LRRTM4: variants seen among roughly 807,000 people sequenced by gnomAD.
LRRTM4 encodes the protein leucine-rich repeat transmembrane neuronal protein 4.
Under a neutral mutation model 47.6 loss-of-function variants are expected in LRRTM4, and 25 were observed. That is an observed-to-expected ratio of 0.53 (90% CI 0.38 to 0.73). The LOEUF (loss-of-function observed/expected upper bound fraction) is 0.73. Among genes scored for constraint, LRRTM4 ranks in the 30% least tolerant of loss-of-function variants. The pLI is 0.00. For synonymous variants in LRRTM4, 311 were observed against 269.5 expected, an observed-to-expected ratio of 1.15 and a Z score of -1.51; for missense variants, 638 against 713.4, an observed-to-expected ratio of 0.89 and a Z score of 1.20.
At chr2:77,128,435 C>CA (rs1330453965) in intron 3 of LRRTM4, among the ~76,000 whole-genome samples, 51 of 123,270 alleles carry the variant, frequency 4.1e-4, no homozygotes, top group African/African-American at 1.7e-3. Flanking sequence ...AATGTCCCAT[C>CA]AAATTTAAAA....
intron 3 of LRRTM4, among the ~76,000 whole-genome samples, chr2:76,984,676 C>G (rs1261555579): frequency 1.3e-5 from 2 of 151,964 alleles, no homozygotes; most frequent in African/African-American, 2.4e-5. Context: ...AGAAAAACAA[C>G]AGAAGCCTGA....
chr2:77,306,312 A>T (rs924778382), intron 3 of LRRTM4, among the ~76,000 whole-genome samples: 1 of 152,166 alleles, frequency 6.6e-6, no homozygotes, highest in Non-Finnish European at 1.5e-5. Context: ...TCATTGAACA[A>T]CACAACCTCA....
chr2:76,962,998 A>T (rs1434546936), intron 3 of LRRTM4, among the ~76,000 whole-genome samples: 1 of 150,940 alleles, frequency 6.6e-6, no homozygotes, highest in Non-Finnish European at 1.5e-5. Context: ...TTATCAATGA[A>T]CAAAAGGTAG....
intron 3 of LRRTM4, among the ~76,000 whole-genome samples, chr2:77,247,440 A>G (rs1276620115): frequency 2.0e-5 from 3 of 152,056 alleles, no homozygotes; most frequent in Non-Finnish European, 2.9e-5. Flanking sequence ...CCGTCTGTCT[A>G]TTTTCTAGTT....
intron 3 of LRRTM4, among the ~76,000 whole-genome samples, chr2:77,429,174 A>G (rs1675249802): frequency 6.6e-6 from 1 of 152,184 alleles, no homozygotes; most frequent in Non-Finnish European, 1.5e-5. Flanking sequence ...GACGAATGGC[A>G]ATTGAGCTCC....
intron 3 of LRRTM4, among the ~76,000 whole-genome samples, chr2:77,432,256 G>T (rs1675409317): frequency 6.6e-6 from 1 of 152,148 alleles, no homozygotes; most frequent in Non-Finnish European, 1.5e-5. Context: ...TGACTTTCCT[G>T]GGTGCAACCC....
At chr2:77,400,899 AG>A (rs1573364328) in intron 3 of LRRTM4, among the ~76,000 whole-genome samples, 1 of 151,946 alleles carries the variant, frequency 6.6e-6, no homozygotes, top group East Asian at 1.9e-4. Flanking sequence ...TAACGATTGG[AG>A]AAAATCAAAA....
intron 3 of LRRTM4, among the ~76,000 whole-genome samples, chr2:77,340,032 T>A (rs1308276641): frequency 6.6e-6 from 1 of 151,938 alleles, no homozygotes; most frequent in Non-Finnish European, 1.5e-5. Context: ...ATAAAACAGA[T>A]GCCATGAAAA....
chr2:77,019,725 ATAT>A (rs1337497830), intron 3 of LRRTM4, among the ~76,000 whole-genome samples: 3 of 152,132 alleles, frequency 2.0e-5, no homozygotes, highest in Admixed American at 6.5e-5. Context: ...TTATAATAAC[ATAT>A]TATTATATTA....
intron 3 of LRRTM4, among the ~76,000 whole-genome samples, chr2:77,071,982 CTTATT>C (rs1680169839): frequency 6.6e-6 from 1 of 152,148 alleles, no homozygotes; most frequent in Non-Finnish European, 1.5e-5. Context: ...GTAAGACTCT[CTTATT>C]TTAGTTTGGA....
At chr2:76,944,808 T>C (rs1675268739) in intron 3 of LRRTM4, among the ~76,000 whole-genome samples, 1 of 152,022 alleles carries the variant, frequency 6.6e-6, no homozygotes, top group African/African-American at 2.4e-5. Flanking sequence ...AATTTACAAA[T>C]GGCGAGTAAA....
intron 3 of LRRTM4, among the ~76,000 whole-genome samples, chr2:77,430,274 T>TA (rs1311999557): frequency 2.0e-5 from 3 of 152,244 alleles, no homozygotes; most frequent in African/African-American, 7.2e-5. Flanking sequence ...CATATATTTT[T>TA]ATCTGTCAAT....
At chr2:77,287,989 C>T (rs1676711375) in intron 3 of LRRTM4, among the ~76,000 whole-genome samples, 2 of 152,106 alleles carry the variant, frequency 1.3e-5, no homozygotes, top group East Asian at 1.9e-4. Context: ...TCTGTTGTCT[C>T]AACATTCTTC....
chr2:77,423,490 A>G (rs994029758), intron 3 of LRRTM4, among the ~76,000 whole-genome samples: 6 of 152,150 alleles, frequency 3.9e-5, no homozygotes, highest in African/African-American at 1.4e-4. Flanking sequence ...TTTATCTTAC[A>G]TAATGAAAAG....
intron 3 of LRRTM4, among the ~76,000 whole-genome samples, chr2:76,918,687 TAATA>T (rs1367890439): frequency 1.3e-5 from 2 of 152,180 alleles, no homozygotes; most frequent in Non-Finnish European, 2.9e-5. Flanking sequence ...CTTTTTTTCT[TAATA>T]ACAGCCTACC....
chr2:76,976,745 G>A (rs1462621217), intron 3 of LRRTM4, among the ~76,000 whole-genome samples: 1 of 151,794 alleles, frequency 6.6e-6, no homozygotes, highest in South Asian at 2.1e-4. Context: ...ACAGCTGGAT[G>A]GGAGGATTAA....
chr2:77,436,297 T>C (rs1181550381), intron 3 of LRRTM4, among the ~76,000 whole-genome samples: 2 of 152,134 alleles, frequency 1.3e-5, no homozygotes, highest in African/African-American at 4.8e-5. Flanking sequence ...GACATATACC[T>C]TGAACGTCTA....
intron 3 of LRRTM4, among the ~76,000 whole-genome samples, chr2:77,085,076 G>T (rs1041477119): frequency 6.6e-6 from 1 of 152,082 alleles, no homozygotes; most frequent in Non-Finnish European, 1.5e-5. Flanking sequence ...AATTTTAAAA[G>T]AAATCCTTTC....
chr2:76,774,517 T>G, intron 3 of LRRTM4, among the ~76,000 whole-genome samples: 1 of 152,158 alleles, frequency 6.6e-6, no homozygotes, highest in South Asian at 2.1e-4. Flanking sequence ...TTAAGAAAAT[T>G]TAAAAAAGAC....
Sources: allele counts gnomAD v4.1 joint callset (sites outside exome capture counted in the v4.1 genomes callset), GRCh38; gene constraint gnomAD v4.1.1; transcripts MANE v1.5; gene names NCBI Gene and HGNC (gene_info 2026-07-23, HGNC 2026-07-21).